PARP8: variants seen among roughly 807,000 people sequenced by gnomAD.
The protein encoded by PARP8 is poly(ADP-ribose) polymerase family member 8.
In PARP8, 51 loss-of-function variants were observed where a neutral mutation model predicts 124.1. The ratio of observed to expected loss-of-function variants is 0.41; its 90% CI spans 0.33 to 0.52. The LOEUF is 0.52. PARP8 is among the 20% of genes least tolerant of loss of function. PARP8 has a pLI of 0.21. For synonymous variants in PARP8, 391 were observed against 361.5 expected (o/e 1.08, Z -0.93); for missense variants, 860 against 1,018.9 (o/e 0.84, Z 2.12).
intron 14 of PARP8, among the ~76,000 whole-genome samples, chr5:50,813,421 G>A (rs1462352981): frequency 1.3e-5 from 2 of 152,148 alleles, no homozygotes; most frequent in East Asian, 3.9e-4. Context: ...AAGAATGCTT[G>A]TGATTTTTGC....
At chr5:50,726,177 C>T (rs970321314) in intron 2 of PARP8, among the ~76,000 whole-genome samples, 2 of 151,878 alleles carry the variant, frequency 1.3e-5, no homozygotes, top group Non-Finnish European at 2.9e-5. Flanking sequence ...GGGTTTGAAG[C>T]TTCACTTTAA....
In PARP8 at chr5:50,842,944, G is replaced by A. The variant is rs1488347091; in HGVS notation, c.*876G>A. The A allele has an allele frequency of 6.6e-6, 1 of 151,530 alleles. No homozygotes were observed. Among genetic ancestry groups the A allele is most frequent in the Non-Finnish European group, 1.5e-5 (1 of 67,714 alleles). 9.4% of individuals were successfully genotyped at this position (151,530 alleles called of 1,614,324 possible). A position where few individuals can be genotyped will look rare whatever the true frequency, so the allele number is the denominator to read the frequency against. On this transcript the variant is annotated 3_prime_UTR_variant, in exon 26 of 26. Transcript: ENST00000281631. Reference sequence around the variant, plus strand: ...ACCGAATCTATATTCAAATGATTATGTATTTAAAAGAAAGACCTCAGAATT... The same window carrying A: ...ACCGAATCTATATTCAAATGATTATATATTTAAAAGAAAGACCTCAGAATT...
At chr5:50,682,211 A>G (rs561368067) in intron 2 of PARP8, among the ~76,000 whole-genome samples, 9 of 152,272 alleles carry the variant, frequency 5.9e-5, no homozygotes, top group African/African-American at 1.4e-4. Flanking sequence ...AAGTATGAGT[A>G]CATTCTCCAC....
intron 21 of PARP8, among the ~76,000 whole-genome samples, chr5:50,828,690 G>C (rs1354166310): frequency 6.6e-6 from 1 of 151,636 alleles, no homozygotes; most frequent in African/African-American, 2.4e-5. Context: ...GACCAGCCTG[G>C]CCAACATGGC....
At chr5:50,686,892 T>A (rs7717033) in intron 2 of PARP8, among the ~76,000 whole-genome samples, 77,727 of 151,950 alleles carry the variant, frequency 0.51, 22,600 homozygotes, top group East Asian at 0.64. Flanking sequence ...GCCTAGACCA[T>A]GAAACCATTT....
At chr5:50,783,467 G>A (rs1329810599) in intron 9 of PARP8, among the ~76,000 whole-genome samples, 1 of 152,110 alleles carries the variant, frequency 6.6e-6, no homozygotes, top group East Asian at 1.9e-4. Context: ...AAATGCTATC[G>A]TGCTATAGAT....
chr5:50,826,775 C>A lies in PARP8; in HGVS notation c.1949C>A (p.Ser650Ter). ...LLQWVISSNR[S>*]HIVKLPVNRQ... Reference sequence around the variant, plus strand: ...TTCAGGGTTATATCAAGTAATAGATCACATATTGTGAAACTGCCAGTTAAC... The same window carrying A: ...TTCAGGGTTATATCAAGTAATAGATAACATATTGTGAAACTGCCAGTTAAC... Residue 650 changes from serine (S) to a stop codon, truncating the protein, a stop_gained, in exon 19 of 26, where the codon TCA becomes TAA. Coordinates refer to ENST00000281631, the MANE Select transcript of PARP8 (RefSeq NM_024615.4). LOFTEE classifies it high-confidence loss of function. 1 of 1,586,680 alleles carries A rather than the reference C, an allele frequency of 6.3e-7. No individual in the cohort carries two copies. Among genetic ancestry groups the A allele is most frequent in the South Asian group, 1.2e-5 (1 of 84,532 alleles).
At chr5:50,694,907 C>T (rs1023794223) in intron 2 of PARP8, among the ~76,000 whole-genome samples, 11 of 152,142 alleles carry the variant, frequency 7.2e-5, no homozygotes, top group Non-Finnish European at 1.2e-4. Context: ...CTGAAGAACT[C>T]GGAGTGTAAT....
chr5:50,807,455 A>G (rs185881533), intron 14 of PARP8, among the ~76,000 whole-genome samples: 116 of 152,160 alleles, frequency 7.6e-4, no homozygotes, highest in Non-Finnish European at 1.5e-3. Flanking sequence ...CCAAAACCAA[A>G]TGCATAGTTC....
intron 2 of PARP8, among the ~76,000 whole-genome samples, chr5:50,678,566 A>G (rs760769728): frequency 6.6e-6 from 1 of 152,216 alleles, no homozygotes; most frequent in Non-Finnish European, 1.5e-5. Flanking sequence ...ATATAGATAT[A>G]TGAGAGAGAA....
rs1224506992 is a variant in PARP8 at position 50,684,255 on chromosome 5, T to G, written c.146+16130T>G. ...AAATTAGCATAGAAAAGAGGAGAAT[T>G]TCTCTTGATTTATTTCTCAGTTTGG... On this transcript the variant is annotated intron_variant, in intron 2 of 25. Coordinates refer to ENST00000281631, the MANE Select transcript of PARP8 (RefSeq NM_024615.4). 7.9e-5 allele frequency among the ~76,000 whole-genome samples: 12 copies of G among 152,234 alleles called. No homozygotes were observed. In the East Asian group the frequency reaches 2.3e-3, roughly 29 times the overall value.
chr5:50,828,414 T>C (rs1322226937), intron 21 of PARP8, 30 bp downstream of exon 21: 1 of 1,570,092 alleles, frequency 6.4e-7, no homozygotes, highest in Non-Finnish European at 8.7e-7. Context: ...TCACAAGACT[T>C]CATTCTTCTT....
chr5:50,822,558 C>A (rs1745885315), intron 17 of PARP8, among the ~76,000 whole-genome samples, 158 bp downstream of exon 17: 1 of 152,140 alleles, frequency 6.6e-6, no homozygotes, highest in African/African-American at 2.4e-5. Context: ...TAGCATGTAA[C>A]ACTGTGACTT....
Position 50,818,170 on chromosome 5 carries a change from C to T in PARP8, c.1668+2646C>T, listed in dbSNP as rs1390268835. On this transcript the variant is annotated intron_variant, in intron 15 of 25. Coordinates refer to ENST00000281631, the MANE Select transcript of PARP8 (RefSeq NM_024615.4). ...AATCGTTGGGAGTGGGGAAATATAT[C>T]ATTTAGCCCCCCCCCCCCCAAAAAA... Among the ~76,000 whole-genome samples, 5 of 141,794 alleles carry T rather than the reference C, an allele frequency of 3.5e-5. No individual in the cohort carries two copies. The East Asian group carries it at 1.0e-3, about 29-fold the overall frequency. The allele number at this position is 141,794 out of a possible 152,430, so 93.0% of individuals were successfully genotyped here.
At chr5:50,706,670 G>C (rs1242089348) in intron 2 of PARP8, among the ~76,000 whole-genome samples, 1 of 151,970 alleles carries the variant, frequency 6.6e-6, no homozygotes, top group Non-Finnish European at 1.5e-5. Flanking sequence ...AGTCTTTCCA[G>C]TTTCTGAATA....
chr5:50,768,564 A>G (rs1218668386), intron 7 of PARP8, among the ~76,000 whole-genome samples: 1 of 152,138 alleles, frequency 6.6e-6, no homozygotes, highest in African/African-American at 2.4e-5. Flanking sequence ...GAATTCATCA[A>G]TTTGATGTGA....
chr5:50,673,700 G>A (rs1009083859), intron 2 of PARP8, among the ~76,000 whole-genome samples: 1 of 152,176 alleles, frequency 6.6e-6, no homozygotes, highest in Admixed American at 6.5e-5. Context: ...TGTCTGCCAG[G>A]GGCAATACTG....
chr5:50,831,054 C>A (rs191802403), intron 22 of PARP8, among the ~76,000 whole-genome samples: 5 of 151,868 alleles, frequency 3.3e-5, no homozygotes, highest in Non-Finnish European at 7.4e-5. Context: ...AAACTTGGAA[C>A]GCTTAAAACC....
chr5:50,670,278 A>C (rs1484548213), intron 2 of PARP8, among the ~76,000 whole-genome samples: 1 of 152,294 alleles, frequency 6.6e-6, no homozygotes, highest in South Asian at 2.1e-4. Context: ...AGCCTTATGG[A>C]GAGAGAGTAT....
Sources: gnomAD v4.1 joint callset for allele counts (sites outside exome capture counted in the v4.1 genomes callset) on GRCh38, gnomAD v4.1.1 for gene constraint, MANE v1.5 for transcripts, NCBI Gene and HGNC (gene_info 2026-07-23, HGNC 2026-07-21) for gene names.